The following UXS1 variants were observed in gnomAD, a reference collection of about 807,000 sequenced individuals.
UXS1 encodes UDP-glucuronate decarboxylase 1.
UXS1 carries 33 observed loss-of-function variants against 62.6 expected under a neutral mutation model. The ratio of observed to expected loss-of-function variants is 0.53; its 90% confidence interval spans 0.40 to 0.70. UXS1 has a LOEUF of 0.70. Ranked by LOEUF, UXS1 falls within the 30% of genes least tolerant of loss-of-function variation. The pLI is 0.00. For missense variants in UXS1, 434 were observed against 556.3 expected (o/e 0.78, Z 2.21); for synonymous variants, 213 against 206.8 (o/e 1.03, Z -0.26).
intron 10 of UXS1, among the ~76,000 whole-genome samples, chr2:106,109,905 G>T (rs1202651959): frequency 6.6e-6 from 1 of 152,176 alleles, no homozygotes; most frequent in South Asian, 2.1e-4. Context: ...CCTCAGAAGT[G>T]ACTTGTCGGA....
At chr2:106,182,975 T>G (rs1004279376) in intron 1 of UXS1, among the ~76,000 whole-genome samples, 5 of 151,970 alleles carry the variant, frequency 3.3e-5, no homozygotes, top group Non-Finnish European at 7.4e-5. Context: ...GAGCAGGGAA[T>G]CAGAATTAAA....
At chr2:106,096,085 CT>C (rs1677060871) in intron 14 of UXS1, among the ~76,000 whole-genome samples, 3 of 152,234 alleles carry the variant, frequency 2.0e-5, no homozygotes, top group Admixed American at 6.5e-5. Context: ...CCACTTGCCC[CT>C]GACCTGGCCC....
Position 106,145,248 on chromosome 2 carries a change from G to T in UXS1, c.414C>A (p.Ile138=). 6.2e-7 allele frequency: 1 copy of T among 1,613,962 alleles called. No homozygotes were observed. Reference sequence around the variant, plus strand: ...TAATCAACTCGAAGTTCTCATGTCCGATCCAGTGCTCCACGTTTCTCTTCC... The same window carrying T: ...TAATCAACTCGAAGTTCTCATGTCCTATCCAGTGCTCCACGTTTCTCTTCC... The part of the protein sequence containing the change: ...TGRKRNVEHW[I]GHENFELINH... Residue 138 remains isoleucine, a synonymous_variant, in exon 6 of 15, where the codon ATC becomes ATA. Transcript: ENST00000283148.
At chr2:106,174,605 T>C (rs886594329) in intron 1 of UXS1, among the ~76,000 whole-genome samples, 6 of 152,058 alleles carry the variant, frequency 3.9e-5, no homozygotes, top group Non-Finnish European at 8.8e-5. Flanking sequence ...CAGCCAGAGG[T>C]GCAACCCAGG....
At chr2:106,187,129 CAG>C (rs1417643662) in intron 1 of UXS1, among the ~76,000 whole-genome samples, 2 of 151,956 alleles carry the variant, frequency 1.3e-5, no homozygotes, top group East Asian at 1.9e-4. Context: ...TGAATCTGGG[CAG>C]AGAGTATTTG....
In UXS1 at chr2:106,164,809, T is replaced by G. The variant is rs1174910647; in HGVS notation, c.123-10A>C. The stretch of plus-strand genomic sequence containing the variant: ...CCTGTTGAGTAGAAAGCTATAAAAC[T>G]GAGATCAACTGAAAGGCTTTGTGAC... On this transcript the variant is annotated splice_polypyrimidine_tract_variant and intron_variant, in intron 2 of 14. Coordinates refer to ENST00000283148, the MANE Select transcript of UXS1 (RefSeq NM_001253875.2). 2 of 1,567,144 alleles carry G rather than the reference T, an allele frequency of 1.3e-6. No homozygotes were observed. Among genetic ancestry groups the G allele is most frequent in the South Asian group, 1.2e-5 (1 of 83,394 alleles).
intron 6 of UXS1, among the ~76,000 whole-genome samples, chr2:106,136,983 A>AAG (rs1558711229): frequency 4.0e-5 from 6 of 148,200 alleles, no homozygotes; most frequent in East Asian, 2.0e-4. Flanking sequence ...AAAAAAAAAA[A>AAG]AAAGAAAGCC....
At chr2:106,142,723 C>G (rs1172329713) in intron 6 of UXS1, among the ~76,000 whole-genome samples, 3 of 152,162 alleles carry the variant, frequency 2.0e-5, no homozygotes, top group Non-Finnish European at 4.4e-5. Flanking sequence ...CACAGAAGAC[C>G]TGATGCCAAG....
rs760140153 is a variant in UXS1, at chr2:106,104,838, C to A, written c.880-1G>T. The A allele has an allele frequency of 6.2e-7, 1 of 1,613,956 alleles. No individual in the cohort carries two copies. The highest frequency in any genetic ancestry group is 1.1e-5 in the South Asian group (1 of 91,084). On this transcript the variant is annotated splice_acceptor_variant, in intron 10 of 14. Transcript: ENST00000283148. LOFTEE classifies it high-confidence loss of function. ...TTGTCTGAGACCCGGATCCGTATAC[C>A]TGGAAGGAAACCAACAGTTAGGCCT...
chr2:106,106,988 T>C (rs539164550), intron 10 of UXS1, among the ~76,000 whole-genome samples: 1 of 152,314 alleles, frequency 6.6e-6, no homozygotes, highest in African/African-American at 2.4e-5. Flanking sequence ...CCTGTAGATT[T>C]TTTTTTCTTT....
chr2:106,178,118 C>A (rs1183996586), intron 1 of UXS1, among the ~76,000 whole-genome samples: 2 of 152,242 alleles, frequency 1.3e-5, no homozygotes, highest in Non-Finnish European at 2.9e-5. Flanking sequence ...TTGGCAGATG[C>A]TGACAATGTG....
intron 1 of UXS1, among the ~76,000 whole-genome samples, chr2:106,167,064 C>T (rs982217834): frequency 3.9e-5 from 6 of 152,178 alleles, no homozygotes; most frequent in African/African-American, 1.4e-4. Context: ...ACTCTAGGCA[C>T]CTGGTGGGCA....
intron 1 of UXS1, among the ~76,000 whole-genome samples, chr2:106,193,653 G>C (rs970500433): frequency 6.6e-6 from 1 of 152,206 alleles, no homozygotes; most frequent in Non-Finnish European, 1.5e-5. Context: ...CTCCCCAAGA[G>C]TTAAACGCTG....
chr2:106,110,472 A>C (rs2104876252), intron 10 of UXS1, among the ~76,000 whole-genome samples: 1 of 152,290 alleles, frequency 6.6e-6, no homozygotes, highest in Middle Eastern at 3.4e-3. Context: ...TCACAGCATG[A>C]AGGAGTTTCT....
rs766704768 is a variant in UXS1, at chr2:106,166,028, C to T, written c.122+28G>A. 5 of 1,605,900 alleles carry T rather than the reference C, an allele frequency of 3.1e-6. No homozygotes were observed. In the Admixed American group the frequency reaches 8.5e-5, roughly 27 times the overall value. ...GAAATGTGTCTATAAAATCCAACCA[C>T]AGTACCCAAGTAATTAAAAACAATT... On this transcript the variant is annotated intron_variant, in intron 2 of 14. Transcript: ENST00000283148.
chr2:106,165,930 A>G (rs1353140077), intron 2 of UXS1, 126 bp downstream of exon 2: 1 of 856,620 alleles, frequency 1.2e-6, no homozygotes, highest in African/African-American at 1.8e-5. Context: ...ATATGTGAAT[A>G]GCAAGAACCC....
intron 1 of UXS1, among the ~76,000 whole-genome samples, chr2:106,174,941 T>C (rs1001972318): frequency 3.3e-5 from 5 of 152,188 alleles, no homozygotes; most frequent in African/African-American, 1.2e-4. Context: ...TTCCTTCCCA[T>C]CTGCATGGAA....
In UXS1 at chr2:106,115,633, A is replaced by G. The variant is rs1343267301; in HGVS notation, c.760-2868T>C. 3.3e-5 allele frequency among the ~76,000 whole-genome samples: 5 copies of G among 152,350 alleles called. No individual in the cohort carries two copies. In the East Asian group the frequency reaches 9.6e-4, roughly 29 times the overall value. On this transcript the variant is annotated intron_variant, in intron 9 of 14. Transcript: ENST00000283148. ...ATGCTGAGGGACCTGCAAAGGGTGGAGGCTGGAATGCCTGGATGGCCTCGT... is the reference window on the plus strand; with the variant it reads ...ATGCTGAGGGACCTGCAAAGGGTGGGGGCTGGAATGCCTGGATGGCCTCGT...
At chr2:106,147,951 A>G (rs1681701913) in intron 5 of UXS1, among the ~76,000 whole-genome samples, 1 of 152,258 alleles carries the variant, frequency 6.6e-6, no homozygotes, top group Non-Finnish European at 1.5e-5. Flanking sequence ...CAAATGGTTA[A>G]GACAGGATGG....
Sources: gnomAD v4.1 joint callset for allele counts (sites outside exome capture counted in the v4.1 genomes callset) on GRCh38, gnomAD v4.1.1 for gene constraint, MANE v1.5 for transcripts, NCBI Gene and HGNC (gene_info 2026-07-23, HGNC 2026-07-21) for gene names.